Variants in MTA3 observed in about 807,000 individuals in gnomAD.
The protein encoded by MTA3 is metastasis-associated protein MTA3.
A neutral mutation model predicts 83.5 loss-of-function variants in MTA3; 34 were observed. That is an observed-to-expected ratio of 0.41 (90% CI 0.31 to 0.54). MTA3 has a LOEUF of 0.54. Ranked by LOEUF, MTA3 falls within the 20% of genes least tolerant of loss-of-function variation. MTA3 has a pLI of 0.33. For synonymous variants in MTA3, 303 were observed against 252.7 expected (o/e 1.20, Z -1.89); for missense variants, 761 against 726.4 (o/e 1.05, Z -0.55).
At chr2:42,584,227 T>G (rs968416464) in intron 3 of MTA3, among the ~76,000 whole-genome samples, 3 of 152,134 alleles carry the variant, frequency 2.0e-5, no homozygotes, top group African/African-American at 7.2e-5. Flanking sequence ...GCCTGGTGTT[T>G]CCATCACTGT....
chr2:42,606,444 C>A (rs1683422474), intron 3 of MTA3, among the ~76,000 whole-genome samples: 1 of 150,810 alleles, frequency 6.6e-6, no homozygotes, highest in Non-Finnish European at 1.5e-5. Context: ...AGAGGCGCTC[C>A]CCACATCTCA....
intron 3 of MTA3, among the ~76,000 whole-genome samples, chr2:42,604,521 G>T (rs1682985093): frequency 6.6e-6 from 1 of 150,848 alleles, no homozygotes; most frequent in African/African-American, 2.4e-5. Flanking sequence ...TGCTGCTGCT[G>T]AATTTAGTGT....
chr2:42,561,456 G>A (rs1444010200), intron 2 of MTA3, among the ~76,000 whole-genome samples: 1 of 151,966 alleles, frequency 6.6e-6, no homozygotes, highest in Non-Finnish European at 1.5e-5. Flanking sequence ...CTGAGTAGTT[G>A]GGATTACAGG....
At chr2:42,644,711 C>G (rs1688012211) in intron 6 of MTA3, among the ~76,000 whole-genome samples, 1 of 152,100 alleles carries the variant, frequency 6.6e-6, no homozygotes, top group South Asian at 2.1e-4. Context: ...CATTTCAAAC[C>G]TTTTCATTAT....
chr2:42,559,375 G>A (rs1000646832), intron 2 of MTA3, among the ~76,000 whole-genome samples: 1 of 151,524 alleles, frequency 6.6e-6, no homozygotes, highest in East Asian at 1.9e-4. Context: ...GGTGGTGTGC[G>A]CCTGTAATCC....
intron 2 of MTA3, among the ~76,000 whole-genome samples, chr2:42,576,108 A>G (rs1023960930): frequency 6.6e-6 from 1 of 152,204 alleles, no homozygotes; most frequent in African/African-American, 2.4e-5. Context: ...TGTACCAGGC[A>G]CTATGCTAGG....
chr2:42,550,628 G>A (rs1207507397), intron 2 of MTA3, among the ~76,000 whole-genome samples: 1 of 152,136 alleles, frequency 6.6e-6, no homozygotes, highest in Non-Finnish European at 1.5e-5. Flanking sequence ...GAAAGGCGCT[G>A]GGACAAGAGA....
chr2:42,728,211 G>T (rs1162360285), intron 16 of MTA3, among the ~76,000 whole-genome samples: 1 of 151,988 alleles, frequency 6.6e-6, no homozygotes, highest in Non-Finnish European at 1.5e-5. Flanking sequence ...TCTGTTCATG[G>T]CTTATTTCAC....
chr2:42,569,959 T>C (rs924372362), intron 1 of MTA3: 1 of 152,146 alleles, frequency 6.6e-6, no homozygotes, highest in African/African-American at 2.4e-5. Flanking sequence ...ATCTGATTTT[T>C]TTTTTTTTTT....
At position 42,755,750 on chromosome 2, in the gene MTA3, G is replaced by T; in HGVS notation, c.*2351G>T. 2 of 985,658 alleles carry T rather than the reference G, an allele frequency of 2.0e-6. No homozygotes were observed. The highest frequency in any genetic ancestry group is 2.3e-4 in the East Asian group (2 of 8,812). 61.1% of individuals were successfully genotyped at this position (985,658 alleles called of 1,614,324 possible). A position where few individuals can be genotyped will look rare whatever the true frequency, so the allele number is the denominator to read the frequency against. The stretch of plus-strand genomic sequence containing the variant: ...TTTCTGGGGCCATGGTGTCCCTGCT[G>T]TGTGTCAGTGGCATGTCACTGTGGT... On this transcript the variant is annotated 3_prime_UTR_variant, in exon 17 of 17. Transcript: ENST00000405094.
chr2:42,698,782 A>G (rs370674260), intron 11 of MTA3, among the ~76,000 whole-genome samples: 7 of 152,272 alleles, frequency 4.6e-5, no homozygotes, highest in African/African-American at 1.7e-4. Context: ...GATCTTTCAT[A>G]TTGATCTTTT....
chr2:42,596,578 C>A (rs1417788905), intron 3 of MTA3, among the ~76,000 whole-genome samples: 1 of 152,072 alleles, frequency 6.6e-6, no homozygotes, highest in Non-Finnish European at 1.5e-5. Flanking sequence ...TCTTATTGAT[C>A]TGGTCTTCTG....
intron 8 of MTA3, among the ~76,000 whole-genome samples, chr2:42,670,550 G>A (rs1201921317): frequency 1.3e-5 from 2 of 152,124 alleles, no homozygotes; most frequent in Admixed American, 6.5e-5. Context: ...GGAACAAGAA[G>A]CAGATTGGTT....
intron 16 of MTA3, among the ~76,000 whole-genome samples, chr2:42,751,780 A>C (rs1573858322): frequency 6.6e-6 from 1 of 152,222 alleles, no homozygotes; most frequent in East Asian, 1.9e-4. Context: ...AGGTGGTTTA[A>C]TTCCATAAGG....
chr2:42,634,332 C>G (rs1464528324), intron 4 of MTA3, among the ~76,000 whole-genome samples: 2 of 152,078 alleles, frequency 1.3e-5, no homozygotes, highest in Non-Finnish European at 2.9e-5. Context: ...TAGAACTACC[C>G]GAGACTGGGT....
At chr2:42,565,830 C>T (rs1677886919), upstream of MTA3, among the ~76,000 whole-genome samples, 1 of 151,964 alleles carries the variant, frequency 6.6e-6, no homozygotes, top group Admixed American at 6.6e-5. Context: ...ATGGTGAAAC[C>T]CTGTCTCTAC....
intron 2 of MTA3, among the ~76,000 whole-genome samples, chr2:42,508,477 G>A (rs939707075): frequency 1.1e-4 from 16 of 151,952 alleles, no homozygotes; most frequent in East Asian, 5.8e-4. Context: ...GACTACAGGC[G>A]TGTGACACTA....
intron 4 of MTA3, among the ~76,000 whole-genome samples, chr2:42,616,820 A>G (rs1043479591): frequency 6.6e-6 from 1 of 151,390 alleles, no homozygotes; most frequent in Non-Finnish European, 1.5e-5. Context: ...GCTGGTCTCA[A>G]GCGATCCTCC....
chr2:42,750,296 T>C (rs948628778), intron 16 of MTA3, among the ~76,000 whole-genome samples: 1 of 152,170 alleles, frequency 6.6e-6, no homozygotes, highest in Admixed American at 6.5e-5. Context: ...GCCATGTTTT[T>C]TGTTGTTTAA....
Sources: allele counts gnomAD v4.1 joint callset (sites outside exome capture counted in the v4.1 genomes callset), GRCh38; gene constraint gnomAD v4.1.1; transcripts MANE v1.5; gene names NCBI Gene and HGNC (gene_info 2026-07-23, HGNC 2026-07-21).